KRT7: variants seen among roughly 807,000 people sequenced by gnomAD.
The protein encoded by KRT7 is keratin 7.
Under a neutral mutation model 42.8 loss-of-function variants are expected in KRT7, and 50 were observed. That is an observed-to-expected ratio of 1.17 (90% CI 0.93 to 1.48). The LOEUF (loss-of-function observed/expected upper bound fraction) is 1.48. Ranked by LOEUF, KRT7 falls within the 40% of genes most tolerant of loss-of-function variation. The pLI, the probability that KRT7 is intolerant of heterozygous loss-of-function variation, is 0.00. For missense variants in KRT7, 588 were observed against 637.6 expected, an observed-to-expected ratio of 0.92 and a Z score of 0.84; for synonymous variants, 268 against 266.3, an observed-to-expected ratio of 1.01 and a Z score of -0.06.
rs370747051 is a variant in KRT7 at position 52,233,508 on chromosome 12, G to A, written c.212G>A (p.Ser71Asn). ...AGIREVTINQSLLAPLRLDAD... is the reference protein window; with the variant it reads ...AGIREVTINQNLLAPLRLDAD... ...ATCCGCGAGGTCACCATTAACCAGA[G>A]CCTGCTGGCCCCGCTGCGGCTGGAC... Residue 71 changes from serine (S) to asparagine (N), a missense_variant, in exon 1 of 9, where the codon AGC becomes AAC. Coordinates refer to ENST00000331817, the MANE Select transcript of KRT7 (RefSeq NM_005556.4). 14 of 1,612,692 alleles carry A rather than the reference G, an allele frequency of 8.7e-6. No homozygotes were observed. The highest frequency in any genetic ancestry group is 1.1e-5 in the Non-Finnish European group (13 of 1,179,754).
chr12:52,239,297 T>A (rs565026640), intron 4 of KRT7, among the ~76,000 whole-genome samples: 66 of 152,312 alleles, frequency 4.3e-4, no homozygotes, highest in Non-Finnish European at 8.5e-4. Context: ...CATTTTAGAC[T>A]AAACTTCTTT....
downstream of KRT7, chr12:52,250,583 C>A: frequency 7.9e-7 from 1 of 1,266,252 alleles, no homozygotes; most frequent in South Asian, 1.3e-5. Context: ...CCGTCACCGG[C>A]CGGGAGCCCG....
intron 5 of KRT7, 133 bp from the exon 6 acceptor site, chr12:52,242,879 G>A: frequency 1.9e-6 from 2 of 1,032,956 alleles, no homozygotes; most frequent in South Asian, 3.5e-5. Flanking sequence ...CTGGCATCGG[G>A]CAAAGGTTGA....
chr12:52,244,351 G>A (rs1011759510), intron 6 of KRT7: 10 of 985,524 alleles, frequency 1.0e-5, no homozygotes, highest in East Asian at 1.1e-4. Context: ...TACTACATCC[G>A]GTTCTCCTCT....
In KRT7 at chr12:52,245,464, C is replaced by T. The variant is rs374918745; in HGVS notation, c.1037C>T (p.Ala346Val). The change falls in exon 7 of 9, where the codon GCG becomes GTG. Residue 346 changes from alanine to valine, a missense_variant. Physicochemically the swap from Ala to Val is moderately conservative, Grantham distance 64. Transcript: ENST00000331817. Reference protein sequence around the residue: ...IAEAEERGELALKDARAKQEE... With the variant: ...IAEAEERGELVLKDARAKQEE... ...GAGGCTGAGGAGCGTGGGGAGCTGG[C>T]GCTCAAGGATGCTCGTGCCAAGCAG... The T allele has an allele frequency of 1.1e-5, 18 of 1,613,874 alleles. No homozygotes were observed. The highest frequency in any genetic ancestry group is 2.2e-5 in the East Asian group (1 of 44,892).
downstream of KRT7, chr12:52,253,422 A>G: frequency 1.3e-6 from 2 of 1,576,420 alleles, no homozygotes; most frequent in Non-Finnish European, 8.7e-7. Flanking sequence ...CAGGTTGTGC[A>G]GTGCTCAGCC....
chr12:52,243,214 G>A (rs1442106665), intron 6 of KRT7, 77 bp downstream of exon 6: 2 of 1,507,082 alleles, frequency 1.3e-6, no homozygotes, highest in Non-Finnish European at 1.8e-6. Context: ...CTCAGGATGT[G>A]GAGCAGGAGG....
downstream of KRT7, chr12:52,252,095 G>A (rs755949753): frequency 2.0e-5 from 18 of 910,632 alleles, no homozygotes; most frequent in South Asian, 1.7e-4. Flanking sequence ...ATTAGTTGTG[G>A]GGAGCAAAGC....
rs779841914 is a variant in KRT7 at position 52,235,345 on chromosome 12, T to G, written c.515T>G (p.Val172Gly). 2 of 1,612,130 alleles carry G rather than the reference T, an allele frequency of 1.2e-6. No homozygotes were observed. The highest frequency in any genetic ancestry group is 1.7e-6 in the Non-Finnish European group (2 of 1,179,152). The change falls in exon 2 of 9, where the codon GTG becomes GGG. Residue 172 changes from valine (V) to glycine (G), a missense_variant. By Grantham distance (109) the Val-to-Gly change is moderately radical. Coordinates refer to ENST00000331817, the MANE Select transcript of KRT7 (RefSeq NM_005556.4). ...LEAELRSMQD[V>G]VEDFKNKYED... ...GCGGAGCTGCGGAGCATGCAGGATG[T>G]GGTGGAGGACTTCAAGAATAAGTAA...
chr12:52,249,042 A>T (rs150230497), downstream of KRT7: 78 of 277,324 alleles, frequency 2.8e-4, no homozygotes, highest in Non-Finnish European at 4.7e-4. Context: ...ACATGGTGGG[A>T]TGGGGTGCTG....
intron 2 of KRT7, among the ~76,000 whole-genome samples, chr12:52,236,206 C>CCAA (rs60431298): frequency 6.6e-6 from 1 of 150,806 alleles, no homozygotes; most frequent in Non-Finnish European, 1.5e-5. Flanking sequence ...TGCCCCCCCC[C>CCAA]AACACTCCCA....
chr12:52,237,792 T>G, intron 3 of KRT7: 10 of 371,654 alleles, frequency 2.7e-5, no homozygotes, highest in Non-Finnish European at 4.3e-5. Context: ...TCTAGGCCTC[T>G]AGGGGTTAGA....
chr12:52,253,456 T>C (rs1942297383), downstream of KRT7: 2 of 1,538,682 alleles, frequency 1.3e-6, no homozygotes, highest in East Asian at 2.3e-5. Flanking sequence ...ATGGCAGTCC[T>C]GCCCTGCTAC....
At chr12:52,248,385 G>A (rs1942208983) in intron 8 of KRT7, among the ~76,000 whole-genome samples, 174 bp downstream of exon 8, 1 of 152,166 alleles carries the variant, frequency 6.6e-6, no homozygotes, top group East Asian at 1.9e-4. Context: ...AATGGCCTGG[G>A]AAGCACTACA....
chr12:52,243,572 C>G (rs1370117640), intron 6 of KRT7: 1 of 158,738 alleles, frequency 6.3e-6, no homozygotes, highest in Non-Finnish European at 1.4e-5. Flanking sequence ...TCACTCTGCT[C>G]TGGCCATGCT....
downstream of KRT7, chr12:52,252,553 C>A: frequency 1.9e-6 from 3 of 1,547,920 alleles, no homozygotes; most frequent in Non-Finnish European, 2.6e-6. Context: ...AACCACTGAC[C>A]ACTGACTAGC....
downstream of KRT7, among the ~76,000 whole-genome samples, chr12:52,249,999 G>C (rs899365336): frequency 3.3e-5 from 5 of 152,152 alleles, no homozygotes; most frequent in African/African-American, 1.2e-4. Flanking sequence ...AGACTCTCAG[G>C]GCACAATGCA....
At chr12:52,253,137 G>T, downstream of KRT7, 2 of 1,369,782 alleles carry the variant, frequency 1.5e-6, no homozygotes, top group South Asian at 1.2e-5. Context: ...ACTGGCAAGG[G>T]GTCTAACCCA....
At chr12:52,248,142 A>G in intron 7 of KRT7, 35 bp from the exon 8 acceptor site, 1 of 1,611,366 alleles carries the variant, frequency 6.2e-7, no homozygotes, top group Non-Finnish European at 8.5e-7. Context: ...CACGCTAGGA[A>G]AGAGCCGTCC....
Sources: allele counts gnomAD v4.1 joint callset (sites outside exome capture counted in the v4.1 genomes callset), GRCh38; gene constraint gnomAD v4.1.1; transcripts MANE v1.5; gene names NCBI Gene and HGNC (gene_info 2026-07-23, HGNC 2026-07-21).